The following GPR180 variants were observed in gnomAD, a reference collection of about 807,000 sequenced individuals.
The protein encoded by GPR180 is G protein-coupled receptor 180.
Under a neutral mutation model 52.6 loss-of-function variants are expected in GPR180, and 53 were observed. The ratio of observed to expected loss-of-function variants is 1.01; its 90% CI spans 0.81 to 1.27. The LOEUF (loss-of-function observed/expected upper bound fraction) is 1.27. Ranked by LOEUF, GPR180 falls within the 50% of genes most tolerant of loss-of-function variation. The pLI is 0.00. For synonymous variants in GPR180, 200 were observed against 193.1 expected (o/e 1.04, Z -0.30); for missense variants, 533 against 527.0 (o/e 1.01, Z -0.11).
chr13:94,619,211 T>C lies in GPR180; in HGVS notation c.567T>C (p.Ala189=), dbSNP rs1490780273. Reference sequence around the variant, plus strand: ...ACTTTGTGATTGCTTGCATTTATGCTCAATCATTGTGGCAGGCTATTAAGA... The same window carrying C: ...ACTTTGTGATTGCTTGCATTTATGCCCAATCATTGTGGCAGGCTATTAAGA... ...LVYFVIACIY[A]QSLWQAIKKG... Residue 189 remains alanine (A), a synonymous_variant, in exon 4 of 9, where the codon GCT becomes GCC. Coordinates refer to ENST00000376958, the MANE Select transcript of GPR180 (RefSeq NM_180989.6). 1.7e-5 allele frequency: 28 copies of C among 1,613,912 alleles called. No individual in the cohort carries two copies. Among genetic ancestry groups the C allele is most frequent in the African/African-American group, 4.0e-5 (3 of 74,916 alleles).
At chr13:94,618,739 A>G (rs1889813394) in intron 3 of GPR180, among the ~76,000 whole-genome samples, 2 of 152,188 alleles carry the variant, frequency 1.3e-5, no homozygotes, top group African/African-American at 4.8e-5. Flanking sequence ...TTGTCAGGGC[A>G]TATTAAACTG....
At chr13:94,619,703 C>T (rs1163253090) in intron 5 of GPR180, among the ~76,000 whole-genome samples, 186 bp downstream of exon 5, 1 of 152,018 alleles carries the variant, frequency 6.6e-6, no homozygotes, top group African/African-American at 2.4e-5. Context: ...GTAATGTGTA[C>T]AGCTCCTCGT....
chr13:94,602,185 TC>T, intron 1 of GPR180, 113 bp downstream of exon 1: 1 of 1,010,068 alleles, frequency 9.9e-7, no homozygotes, highest in Non-Finnish European at 1.3e-6. Context: ...GCCGGCGACT[TC>T]CCCAGCCTCA....
chr13:94,619,516 A>C lies in GPR180; in HGVS notation c.735A>C (p.Glu245Asp). The change falls in exon 5 of 9, where the codon GAA (glutamate) becomes GAC (aspartate). Residue 245 changes from glutamate to aspartate, a missense_variant and splice_region_variant. Physicochemically the swap from Glu to Asp is conservative, Grantham distance 45. Coordinates refer to ENST00000376958, the MANE Select transcript of GPR180 (RefSeq NM_180989.6). ...IGVPFMGSLA[E>D]FFDIASQIQM... Reference sequence around the variant, plus strand: ...TACCATTTATGGGAAGTTTGGCAGAATGTGAGTATCTTTCTGAGCATTTTT... The same window carrying C: ...TACCATTTATGGGAAGTTTGGCAGACTGTGAGTATCTTTCTGAGCATTTTT... 2 of 1,612,172 alleles carry C rather than the reference A, an allele frequency of 1.2e-6. No homozygotes were observed. Among genetic ancestry groups the C allele is most frequent in the Non-Finnish European group, 1.7e-6 (2 of 1,178,610 alleles).
chr13:94,618,710 G>A (rs1025881054), intron 3 of GPR180, among the ~76,000 whole-genome samples: 1 of 152,082 alleles, frequency 6.6e-6, no homozygotes, highest in Non-Finnish European at 1.5e-5. Context: ...CTGGGCAAGA[G>A]AACACACTTT....
At chr13:94,619,568 C>CT (rs577400713) in intron 5 of GPR180, 51 bp downstream of exon 5, 1,223 of 1,385,244 alleles carry the variant, frequency 8.8e-4, no homozygotes, top group Non-Finnish European at 1.0e-3. Context: ...TCGCTATCTG[C>CT]TTTTTTTTTA....
chr13:94,618,274 A>G (rs1310484797), intron 3 of GPR180, among the ~76,000 whole-genome samples: 2 of 152,072 alleles, frequency 1.3e-5, no homozygotes, highest in Non-Finnish European at 2.9e-5. Flanking sequence ...TTTCTGCTTT[A>G]TAGTTTGATC....
chr13:94,625,183 A>G (rs1229699319), intron 7 of GPR180, among the ~76,000 whole-genome samples: 3 of 152,226 alleles, frequency 2.0e-5, no homozygotes, highest in Non-Finnish European at 4.4e-5. Context: ...AACTTTCTAA[A>G]TAGGATCAAA....
rs1404344035 is a variant in GPR180 at position 94,632,392 on chromosome 13, T to A, written c.*5221T>A. 1 of 152,208 alleles carries A rather than the reference T, an allele frequency of 6.6e-6. No individual in the cohort carries two copies. Among genetic ancestry groups the A allele is most frequent in the African/African-American group, 2.4e-5 (1 of 41,446 alleles). The allele number at this position is 152,208 out of a possible 1,614,324, so 9.4% of individuals were successfully genotyped here. On this transcript the variant is annotated 3_prime_UTR_variant, in exon 9 of 9. Coordinates refer to ENST00000376958, the MANE Select transcript of GPR180 (RefSeq NM_180989.6). ...CATATAAACATATATGAAACACAAA[T>A]TATAGCATAACATACAGACTTTTGC...
intron 8 of GPR180, 37 bp from the exon 9 acceptor site, chr13:94,626,976 G>C: frequency 7.0e-7 from 1 of 1,435,684 alleles, no homozygotes; most frequent in Non-Finnish European, 9.5e-7. Context: ...CTCTATTTCT[G>C]CATGTAGTAA....
At chr13:94,609,571 A>C (rs953392706) in intron 2 of GPR180, among the ~76,000 whole-genome samples, 1 of 152,186 alleles carries the variant, frequency 6.6e-6, no homozygotes, top group Admixed American at 6.5e-5. Flanking sequence ...CAAATGATAA[A>C]AATGGCAACA....
At chr13:94,616,010 G>A (rs1284601734) in intron 3 of GPR180, among the ~76,000 whole-genome samples, 3 of 152,160 alleles carry the variant, frequency 2.0e-5, no homozygotes, top group Non-Finnish European at 4.4e-5. Flanking sequence ...CTCCAGGGTG[G>A]TTTATTTAGC....
At chr13:94,603,693 AAT>A (rs2139562270) in intron 1 of GPR180, among the ~76,000 whole-genome samples, 1 of 152,262 alleles carries the variant, frequency 6.6e-6, no homozygotes, top group Non-Finnish European at 1.5e-5. Flanking sequence ...TGTATATTTA[AAT>A]ATATTTAAAA....
At chr13:94,606,217 A>G (rs1380514228) in intron 2 of GPR180, among the ~76,000 whole-genome samples, 1 of 152,140 alleles carries the variant, frequency 6.6e-6, no homozygotes, top group Non-Finnish European at 1.5e-5. Context: ...AATTGCTTGA[A>G]CCTGGGAGGC....
chr13:94,605,206 C>T (rs892962906), intron 1 of GPR180, among the ~76,000 whole-genome samples, 185 bp from the exon 2 acceptor site: 3 of 152,194 alleles, frequency 2.0e-5, no homozygotes, highest in African/African-American at 7.2e-5. Flanking sequence ...ACCACACGTT[C>T]ATTTGAATAA....
intron 2 of GPR180, among the ~76,000 whole-genome samples, chr13:94,607,139 C>G (rs1889643723): frequency 6.6e-6 from 1 of 151,798 alleles, no homozygotes. Context: ...CTAATACTCC[C>G]CTCTTTGACC....
Position 94,627,289 on chromosome 13 carries a change from A to C in GPR180, c.*118A>C. ...AAAACTTGAACAGCGAAAGCAGAGC[A>C]TGTTATTTATATAACTGCATTTAAG... On this transcript the variant is annotated 3_prime_UTR_variant, in exon 9 of 9. Coordinates refer to ENST00000376958, the MANE Select transcript of GPR180 (RefSeq NM_180989.6). 1 of 776,736 alleles carries C rather than the reference A, an allele frequency of 1.3e-6. No homozygotes were observed. The allele number at this position is 776,736 out of a possible 1,614,324, so 48.1% of individuals were successfully genotyped here. A position where few individuals can be genotyped will look rare whatever the true frequency, so the allele number is the denominator to read the frequency against.
intron 2 of GPR180, 95 bp from the exon 3 acceptor site, chr13:94,612,095 A>G: frequency 1.1e-6 from 1 of 937,688 alleles, no homozygotes; most frequent in Non-Finnish European, 1.7e-6. Flanking sequence ...AATAAAAATT[A>G]AAAGATTGTC....
intron 2 of GPR180, among the ~76,000 whole-genome samples, chr13:94,609,356 A>G (rs182643817): frequency 1.1e-4 from 16 of 152,326 alleles, no homozygotes; most frequent in Non-Finnish European, 2.4e-4. Flanking sequence ...TTTGTCTCAG[A>G]AACAATGAAC....
Sources: gnomAD v4.1 joint callset for allele counts (sites outside exome capture counted in the v4.1 genomes callset) on GRCh38, gnomAD v4.1.1 for gene constraint, MANE v1.5 for transcripts, NCBI Gene and HGNC (gene_info 2026-07-23, HGNC 2026-07-21) for gene names.